The following EYS variants were observed in gnomAD, a reference collection of about 807,000 sequenced individuals.
The protein encoded by EYS is protein eyes shut homolog.
EYS carries 250 observed loss-of-function variants against 282.1 expected under a neutral mutation model. The ratio of observed to expected loss-of-function variants is 0.89; its 90% CI spans 0.80 to 0.98. The LOEUF (loss-of-function observed/expected upper bound fraction) is 0.98. Ranked by LOEUF, EYS falls within the 50% of genes least tolerant of loss-of-function variation. EYS has a pLI of 0.00. For missense variants in EYS, 4,016 were observed against 3,709.0 expected, an observed-to-expected ratio of 1.08 and a Z score of -2.15; for synonymous variants, 1,355 against 1,282.9, an observed-to-expected ratio of 1.06 and a Z score of -1.20.
At chr6:64,699,302 A>C (rs574399598) in intron 22 of EYS, among the ~76,000 whole-genome samples, 1 of 152,114 alleles carries the variant, frequency 6.6e-6, no homozygotes, top group African/African-American at 2.4e-5. Context: ...AGAAGGAAAC[A>C]ACAGTCATGG....
intron 28 of EYS, among the ~76,000 whole-genome samples, chr6:64,393,285 G>C (rs967688388): frequency 6.6e-6 from 1 of 152,042 alleles, no homozygotes; most frequent in Non-Finnish European, 1.5e-5. Context: ...ATTTTATAAG[G>C]CCAGCATCAT....
intron 40 of EYS, among the ~76,000 whole-genome samples, chr6:63,768,177 C>T (rs566104156): frequency 2.6e-5 from 4 of 151,932 alleles, no homozygotes; most frequent in Admixed American, 6.6e-5. Flanking sequence ...AAAGAATTTA[C>T]GACTAAGTCC....
chr6:64,032,212 C>T (rs147387637), intron 33 of EYS, among the ~76,000 whole-genome samples: 2,293 of 152,102 alleles, frequency 0.015, 52 homozygotes, highest in East Asian at 0.069. Flanking sequence ...TGAACACATC[C>T]GAACATCAGA....
At chr6:64,103,336 A>T (rs991597115) in intron 31 of EYS, among the ~76,000 whole-genome samples, 8 of 152,222 alleles carry the variant, frequency 5.3e-5, no homozygotes, top group Non-Finnish European at 1.0e-4. Context: ...AATATTTCAA[A>T]TGAACTTTTT....
At chr6:64,902,327 T>A (rs1767693104) in intron 17 of EYS, 77 bp downstream of exon 17, 1 of 1,301,700 alleles carries the variant, frequency 7.7e-7, no homozygotes, top group African/African-American at 1.5e-5. Flanking sequence ...GTTGCTTAAT[T>A]CACCAATTAA....
intron 13 of EYS, among the ~76,000 whole-genome samples, chr6:65,043,785 T>G (rs1773014312): frequency 6.6e-6 from 1 of 151,580 alleles, no homozygotes; most frequent in Admixed American, 6.6e-5. Flanking sequence ...ATTCTTCCAT[T>G]GACAGACACT....
chr6:65,661,084 A>T (rs988897986), intron 1 of EYS, among the ~76,000 whole-genome samples: 1 of 151,914 alleles, frequency 6.6e-6, no homozygotes, highest in Non-Finnish European at 1.5e-5. Flanking sequence ...GTTTTTCTGC[A>T]GCTCCTAAAC....
chr6:63,877,961 C>A (rs965690137), intron 35 of EYS, among the ~76,000 whole-genome samples: 9 of 152,220 alleles, frequency 5.9e-5, no homozygotes, highest in Non-Finnish European at 1.2e-4. Context: ...TCATCTGAAG[C>A]CTTCTTCTCT....
At chr6:63,745,040 T>C (rs781334170) in intron 41 of EYS, 34 of 427,630 alleles carry the variant, frequency 8.0e-5, no homozygotes, top group Admixed American at 1.8e-4. Context: ...AAAAAGAATA[T>C]TCAGATGCCA....
intron 36 of EYS, among the ~76,000 whole-genome samples, chr6:63,829,046 C>T (rs1222186398): frequency 6.6e-6 from 1 of 152,200 alleles, no homozygotes; most frequent in African/African-American, 2.4e-5. Flanking sequence ...TATAGCAGCA[C>T]AATTCACAAT....
At chr6:63,794,574 C>T (rs1167080364) in intron 37 of EYS, among the ~76,000 whole-genome samples, 1 of 152,128 alleles carries the variant, frequency 6.6e-6, no homozygotes, top group Non-Finnish European at 1.5e-5. Context: ...GGCTTAACAG[C>T]CCATAATAAC....
intron 35 of EYS, among the ~76,000 whole-genome samples, chr6:63,947,988 T>C (rs1188216535): frequency 1.3e-5 from 2 of 152,224 alleles, no homozygotes; most frequent in African/African-American, 2.4e-5. Context: ...CATTACATTC[T>C]GCTGAGGTTT....
chr6:63,721,739 G>A lies in EYS; in HGVS notation c.8292C>T (p.Gly2764=). 3 of 1,550,604 alleles carry A rather than the reference G, an allele frequency of 1.9e-6. No individual in the cohort carries two copies. Among genetic ancestry groups the A allele is most frequent in the East Asian group, 2.4e-5 (1 of 40,906 alleles). ...NSSVQLRYNL[G]DRTIILETLQ... is the part of the protein sequence containing the mutation. ...GAGTTTCTAGAATGATAGTTCTGTC[G>A]CCAAGGTTGTAGCGAAGTTGAACGG... The change falls in exon 43 of 43, where the codon GGC becomes GGT. Residue 2764 remains glycine (G), a synonymous_variant. Coordinates refer to ENST00000503581, the MANE Select transcript of EYS (RefSeq NM_001142800.2).
At chr6:63,950,163 C>T (rs1455342653) in intron 35 of EYS, among the ~76,000 whole-genome samples, 2 of 150,866 alleles carry the variant, frequency 1.3e-5, no homozygotes, top group African/African-American at 4.9e-5. Context: ...CAGAATGAGA[C>T]TCCGTCTCAA....
At chr6:64,303,908 T>G (rs1048766516) in intron 30 of EYS, among the ~76,000 whole-genome samples, 3 of 151,022 alleles carry the variant, frequency 2.0e-5, no homozygotes, top group African/African-American at 7.3e-5. Flanking sequence ...CCTCTTACCT[T>G]GAGTTAATAG....
At chr6:64,715,362 A>T (rs1771353725) in intron 22 of EYS, among the ~76,000 whole-genome samples, 1 of 152,156 alleles carries the variant, frequency 6.6e-6, no homozygotes, top group African/African-American at 2.4e-5. Context: ...CTTCACAAAG[A>T]TAGCATGATG....
intron 5 of EYS, among the ~76,000 whole-genome samples, chr6:65,431,682 A>T (rs183574404): frequency 5.1e-4 from 77 of 152,232 alleles, no homozygotes; most frequent in African/African-American, 1.8e-3. Context: ...GGCTGTTCTA[A>T]AATCAATTTT....
chr6:65,566,601 C>T (rs1769289147), intron 2 of EYS, among the ~76,000 whole-genome samples: 2 of 152,130 alleles, frequency 1.3e-5, no homozygotes, highest in African/African-American at 4.8e-5. Flanking sequence ...GCAGAGTCTA[C>T]CCAGACTTGC....
chr6:65,606,572 A>G (rs1318633910), intron 2 of EYS, among the ~76,000 whole-genome samples: 1 of 151,844 alleles, frequency 6.6e-6, no homozygotes. Context: ...GGACAATGAC[A>G]ATCGTAATTA....
Sources: allele counts gnomAD v4.1 joint callset (sites outside exome capture counted in the v4.1 genomes callset), GRCh38; gene constraint gnomAD v4.1.1; transcripts MANE v1.5; gene names NCBI Gene and HGNC (gene_info 2026-07-23, HGNC 2026-07-21).